The following PPP4R1 variants were observed in gnomAD, a reference collection of about 807,000 sequenced individuals.
The protein encoded by PPP4R1 is protein phosphatase 4 regulatory subunit 1, also known as serine/threonine-protein phosphatase 4 regulatory subunit 1.
In PPP4R1, 42 loss-of-function variants were observed where a neutral mutation model predicts 111.2. The ratio of observed to expected loss-of-function variants is 0.38; its 90% CI spans 0.29 to 0.49. The LOEUF (loss-of-function observed/expected upper bound fraction) is 0.49. Ranked by LOEUF, PPP4R1 falls within the 20% of genes least tolerant of loss-of-function variation. PPP4R1 has a pLI of 0.97. For synonymous variants in PPP4R1, 409 were observed against 405.5 expected, an observed-to-expected ratio of 1.01 and a Z score of -0.10; for missense variants, 1,012 against 1,161.6, an observed-to-expected ratio of 0.87 and a Z score of 1.87.
intron 18 of PPP4R1, 41 bp downstream of exon 18, chr18:9,550,011 G>A (rs778613427): frequency 3.1e-6 from 5 of 1,613,208 alleles, no homozygotes; most frequent in Middle Eastern, 1.6e-4. Context: ...ATTCTTCTAG[G>A]AGAAAAACTC....
At position 9,608,881 on chromosome 18, in the gene PPP4R1, G is replaced by A. The variant is rs149924926; in HGVS notation, c.52+5345C>T. On this transcript the variant is annotated intron_variant, in intron 2 of 19. Coordinates refer to ENST00000400556, the MANE Select transcript of PPP4R1 (RefSeq NM_001042388.3). ...ATAATAAACCAGAGATCAAACAAAT[G>A]TGGCAGCAGACTTCTGAACTTTACC... Among the ~76,000 whole-genome samples, 36 of 152,320 alleles carry A rather than the reference G, an allele frequency of 2.4e-4. No homozygotes were observed. The East Asian group carries it at 6.6e-3, about 28-fold the overall frequency.
intron 2 of PPP4R1, among the ~76,000 whole-genome samples, chr18:9,604,992 T>C (rs1184385227): frequency 6.6e-6 from 1 of 152,192 alleles, no homozygotes; most frequent in African/African-American, 2.4e-5. Context: ...AGAGAACTTT[T>C]TAATTCGTAC....
At chr18:9,590,847 T>C (rs1477696031) in intron 4 of PPP4R1, among the ~76,000 whole-genome samples, 1 of 152,020 alleles carries the variant, frequency 6.6e-6, no homozygotes, top group African/African-American at 2.4e-5. Flanking sequence ...GGAAAAAATC[T>C]CAAAGAAGAC....
chr18:9,577,808 G>A (rs2066962298), intron 9 of PPP4R1, among the ~76,000 whole-genome samples: 1 of 152,186 alleles, frequency 6.6e-6, no homozygotes, highest in South Asian at 2.1e-4. Flanking sequence ...AGGTCCTGCT[G>A]TGTTCTCAAG....
At chr18:9,585,143 T>C (rs2067095743) in intron 6 of PPP4R1, among the ~76,000 whole-genome samples, 1 of 152,160 alleles carries the variant, frequency 6.6e-6, no homozygotes, top group Non-Finnish European at 1.5e-5. Context: ...TCATTTTGCC[T>C]GGTAATTTTA....
chr18:9,557,105 G>A, intron 15 of PPP4R1, 116 bp downstream of exon 15: 1 of 981,690 alleles, frequency 1.0e-6, no homozygotes, highest in South Asian at 1.9e-5. Context: ...TCAACTTATG[G>A]CTGTGTTTTC....
chr18:9,597,058 G>A (rs997455856), intron 2 of PPP4R1, among the ~76,000 whole-genome samples: 8 of 152,100 alleles, frequency 5.3e-5, no homozygotes, highest in South Asian at 2.1e-4. Context: ...GTTTGAGCAC[G>A]GGAGGTCGAG....
At chr18:9,610,702 G>A (rs1340854158) in intron 2 of PPP4R1, among the ~76,000 whole-genome samples, 1 of 151,854 alleles carries the variant, frequency 6.6e-6, no homozygotes, top group Non-Finnish European at 1.5e-5. Flanking sequence ...CTCGTGATCC[G>A]CCCACCTCGG....
chr18:9,614,577 G>C, upstream of PPP4R1: 1 of 863,814 alleles, frequency 1.2e-6, no homozygotes, highest in Non-Finnish European at 1.4e-6. The surrounding 1 kb of genome is among the most constrained non-coding windows in gnomAD (Gnocchi z 4.1). Flanking sequence ...CGCGGGAGGG[G>C]CGGCGGGGAG....
At chr18:9,561,474 GAGAAA>G (rs1346845681) in intron 13 of PPP4R1, among the ~76,000 whole-genome samples, 1 of 152,060 alleles carries the variant, frequency 6.6e-6, no homozygotes, top group Non-Finnish European at 1.5e-5. Context: ...ATTGTTAGAA[GAGAAA>G]AGAAAAGAGC....
intron 15 of PPP4R1, among the ~76,000 whole-genome samples, chr18:9,555,933 A>C (rs66751485): frequency 3.3e-5 from 5 of 151,446 alleles, no homozygotes; most frequent in African/African-American, 1.2e-4. Flanking sequence ...TCAGGAGATC[A>C]AGACCATCCT....
chr18:9,551,720 G>A (rs1195774183), intron 16 of PPP4R1: 1 of 152,288 alleles, frequency 6.6e-6, no homozygotes. Context: ...TGTGGGAGAG[G>A]AGAACTAATG....
intron 10 of PPP4R1, among the ~76,000 whole-genome samples, chr18:9,576,072 A>G (rs2066931352): frequency 2.6e-5 from 4 of 152,220 alleles, no homozygotes; most frequent in African/African-American, 9.6e-5. Flanking sequence ...CCTTTACAAA[A>G]AACAGTACCT....
Position 9,555,997 on chromosome 18 carries a change from C to CAAAAA in PPP4R1, c.2190+1219_2190+1223dup, listed in dbSNP as rs71358236. 7.9e-4 allele frequency among the ~76,000 whole-genome samples: 108 copies of CAAAAA among 136,872 alleles called. 1 individual carries two copies. Among genetic ancestry groups the CAAAAA allele is most frequent in the South Asian group, 3.8e-3 (15 of 3,956 alleles). The allele number at this position is 136,872 out of a possible 152,430, so 89.8% of individuals were successfully genotyped here. A position where few individuals can be genotyped will look rare whatever the true frequency, so the allele number is the denominator to read the frequency against. On this transcript the variant is annotated intron_variant, in intron 15 of 19. Transcript: ENST00000400556. ...TAAAACAAACAAACAAACAAACAAA[C>CAAAAA]AAAAAAACACAAAATCGGCCGGGCT...
chr18:9,562,182 T>A, intron 12 of PPP4R1, 107 bp from the exon 13 acceptor site: 1 of 754,712 alleles, frequency 1.3e-6, no homozygotes, highest in Non-Finnish European at 2.1e-6. Flanking sequence ...GTAATAAACA[T>A]ATAAATTCCT....
intron 11 of PPP4R1, among the ~76,000 whole-genome samples, chr18:9,564,697 GGTGTGT>G (rs1178823297): frequency 3.2e-5 from 3 of 93,492 alleles, no homozygotes; most frequent in Admixed American, 2.3e-4. Flanking sequence ...TAAAGTGCAT[GGTGTGT>G]GTGTGTGTGT....
intron 2 of PPP4R1, among the ~76,000 whole-genome samples, chr18:9,601,681 C>T (rs1008642563): frequency 1.2e-4 from 18 of 152,176 alleles, no homozygotes; most frequent in African/African-American, 3.9e-4. Context: ...TTAGAAGAGA[C>T]GGGGTTTCAC....
rs1250987279 is a variant in PPP4R1 at position 9,614,262 on chromosome 18, G to C, written c.16C>G (p.Leu6Val). 15 of 1,348,030 alleles carry C rather than the reference G, an allele frequency of 1.1e-5. No homozygotes were observed. The Admixed American group carries it at 4.3e-4, about 39-fold the overall frequency. The allele number at this position is 1,348,030 out of a possible 1,614,324, so 83.5% of individuals were successfully genotyped here. The change falls in exon 2 of 20, where the codon CTG becomes GTG. Residue 6 changes from leucine to valine, a missense_variant. Leu to Val is a conservative substitution (Grantham distance 32). Transcript: ENST00000400556. The surrounding 1 kb of genome is among the most constrained non-coding windows in gnomAD (Gnocchi z 4.1). Reference protein sequence around the residue: MADLSLLQEDLQEDAD... With the variant: MADLSVLQEDLQEDAD... The stretch of plus-strand genomic sequence containing the variant: ...TCCTCCTGCAGGTCCTCCTGAAGCA[G>C]CGAGAGGTCTGCGCCGAGGGGAGAG...
intron 16 of PPP4R1, among the ~76,000 whole-genome samples, chr18:9,552,545 T>C (rs2066505888): frequency 6.6e-6 from 1 of 152,198 alleles, no homozygotes; most frequent in African/African-American, 2.4e-5. Context: ...ACAGAGAAAC[T>C]GGAACTCCCA....
Sources: allele counts gnomAD v4.1 joint callset (sites outside exome capture counted in the v4.1 genomes callset), GRCh38; gene constraint gnomAD v4.1.1; non-coding constraint Gnocchi (gnomAD v3.1); transcripts MANE v1.5; gene names NCBI Gene and HGNC (gene_info 2026-07-23, HGNC 2026-07-21).